The following ZNF331 variants were observed in gnomAD, a reference collection of about 807,000 sequenced individuals.
ZNF331 encodes the protein zinc finger protein 331.
Under a neutral mutation model 7.0 loss-of-function variants are expected in ZNF331, and 2 were observed. The observed-to-expected ratio is 0.29, with a 90% CI of 0.12 to 0.90. The LOEUF (loss-of-function observed/expected upper bound fraction) is 0.90, where lower values mean the gene tolerates loss of function less well. ZNF331 is among the 40% of genes least tolerant of loss of function. The pLI is 0.58. For missense variants in ZNF331, 432 were observed against 587.7 expected (o/e 0.74, Z 2.74); for synonymous variants, 196 against 205.4 (o/e 0.95, Z 0.39).
intron 4 of ZNF331, among the ~76,000 whole-genome samples, chr19:53,570,803 A>G (rs2090405216): frequency 6.6e-6 from 1 of 151,054 alleles, no homozygotes; most frequent in Non-Finnish European, 1.5e-5. Context: ...AAGTGCTGGG[A>G]TTACAGGCAT....
intron 2 of ZNF331, among the ~76,000 whole-genome samples, chr19:53,542,680 G>A (rs1305254247): frequency 6.6e-6 from 1 of 152,078 alleles, no homozygotes; most frequent in Non-Finnish European, 1.5e-5. Context: ...ACATTTCCTC[G>A]TTATATTTCT....
At chr19:53,535,064 G>C (rs920685892), upstream of ZNF331, among the ~76,000 whole-genome samples, 4 of 120,926 alleles carry the variant, frequency 3.3e-5, no homozygotes, top group Non-Finnish European at 7.9e-5. Flanking sequence ...AGCACACAAA[G>C]AGGAAACTAA....
At chr19:53,507,256 T>C in the ZNF331 span, among the ~76,000 whole-genome samples, 1 of 152,220 alleles carries the variant, frequency 6.6e-6, no homozygotes, top group East Asian at 1.9e-4. Flanking sequence ...GACACAATAA[T>C]AGTCACGCTG....
At chr19:53,519,773 G>C (rs2086997787), upstream of ZNF331, among the ~76,000 whole-genome samples, 1 of 152,124 alleles carries the variant, frequency 6.6e-6, no homozygotes, top group Non-Finnish European at 1.5e-5. Context: ...GTCAGGACCA[G>C]GTCACTCCCG....
At position 53,558,563 on chromosome 19, in the gene ZNF331, C is replaced by G. The variant is rs1240045754; in HGVS notation, c.-74+2655C>G. 6.6e-6 allele frequency among the ~76,000 whole-genome samples: 1 copy of G among 152,128 alleles called. No homozygotes were observed. The highest frequency in any genetic ancestry group is 2.4e-5 in the African/African-American group (1 of 41,458). ...TGATTGAGTGGGGAAACTCAAGGCC[C>G]GTCTGTTCAGATTCTTCTTGGCCTC... On this transcript the variant is annotated intron_variant, in intron 3 of 5. Coordinates refer to ENST00000449416, the MANE Select transcript of ZNF331 (RefSeq NM_001079906.2). The surrounding 1 kb of genome is among the most constrained non-coding windows in gnomAD (Gnocchi z 4.5).
intron 5 of ZNF331, among the ~76,000 whole-genome samples, chr19:53,575,490 A>AC (rs1458108678): frequency 8.2e-6 from 1 of 122,558 alleles, no homozygotes; most frequent in African/African-American, 3.1e-5. Context: ...GTATTCTTTT[A>AC]CCCAGTTGCT....
intron 4 of ZNF331, among the ~76,000 whole-genome samples, chr19:53,570,042 G>A (rs985039602): frequency 1.3e-5 from 2 of 152,082 alleles, no homozygotes; most frequent in African/African-American, 2.4e-5. Context: ...GATCACTTGT[G>A]GTCAGGAGTT....
chr19:53,510,246 C>A, the ZNF331 span, among the ~76,000 whole-genome samples: 1 of 152,138 alleles, frequency 6.6e-6, no homozygotes, highest in Non-Finnish European at 1.5e-5. Context: ...TTTCTTTCTT[C>A]TGAGTTTCTT....
rs1456542391 is a variant in ZNF331, at chr19:53,567,852, A to C, written c.-73-1452A>C. ...TGAGACCCTGTCTTAAAAAAAAAAA[A>C]CAAAAAACTATTCACTAAAAGGACC... On this transcript the variant is annotated intron_variant, in intron 3 of 5. Coordinates refer to ENST00000449416, the MANE Select transcript of ZNF331 (RefSeq NM_001079906.2). 4.2e-5 allele frequency among the ~76,000 whole-genome samples: 6 copies of C among 143,478 alleles called. No individual in the cohort carries two copies. In the East Asian group the frequency reaches 6.2e-4, roughly 15 times the overall value. The allele number at this position is 143,478 out of a possible 152,430, so 94.1% of individuals were successfully genotyped here. A position where few individuals can be genotyped will look rare whatever the true frequency, so the allele number is the denominator to read the frequency against.
At chr19:53,548,417 C>T (rs1043367028) in intron 2 of ZNF331, among the ~76,000 whole-genome samples, 2 of 151,886 alleles carry the variant, frequency 1.3e-5, no homozygotes, top group African/African-American at 4.8e-5. Context: ...GGCCAATGCC[C>T]GACTAATTTT....
chr19:53,559,622 A>G (rs921123270), intron 3 of ZNF331, among the ~76,000 whole-genome samples: 5 of 131,348 alleles, frequency 3.8e-5, no homozygotes, highest in Non-Finnish European at 6.9e-5. Context: ...ATATATACAC[A>G]CATATACACA....
At chr19:53,503,840 A>C in the ZNF331 span, 1 of 692,924 alleles carries the variant, frequency 1.4e-6, no homozygotes, top group Non-Finnish European at 2.6e-6. Flanking sequence ...CGTGACCGGC[A>C]AGTGGAGCAA....
Position 53,577,927 on chromosome 19 carries a change from A to T in ZNF331, c.1367A>T (p.Glu456Val), listed in dbSNP as rs1363288655. 3 of 1,613,248 alleles carry T rather than the reference A, an allele frequency of 1.9e-6. No individual in the cohort carries two copies. Among genetic ancestry groups the T allele is most frequent in the Admixed American group, 1.7e-5 (1 of 60,006 alleles). ...KACNHLNHLR[E>V]HQRIHNS Reference sequence around the variant, plus strand: ...TGTAACCACCTAAACCATCTCCGAGAACATCAGAGGATCCACAACAGTTGA... The same window carrying T: ...TGTAACCACCTAAACCATCTCCGAGTACATCAGAGGATCCACAACAGTTGA... Residue 456 changes from glutamate (E) to valine (V), a missense_variant, in exon 6 of 6, where the codon GAA becomes GTA. Coordinates refer to ENST00000449416, the MANE Select transcript of ZNF331 (RefSeq NM_001079906.2).
the ZNF331 span, among the ~76,000 whole-genome samples, chr19:53,506,406 TCTCTC>T: frequency 2.7e-5 from 3 of 111,650 alleles, no homozygotes; most frequent in South Asian, 2.9e-4. Flanking sequence ...ACACACTCTC[TCTCTC>T]CTCTCTCTCT....
chr19:53,511,515 A>C, the ZNF331 span, among the ~76,000 whole-genome samples: 1 of 152,110 alleles, frequency 6.6e-6, no homozygotes, highest in Admixed American at 6.5e-5. Flanking sequence ...AAACTAAATA[A>C]ATATAATCAA....
At chr19:53,541,923 G>A (rs1356092513) in intron 2 of ZNF331, among the ~76,000 whole-genome samples, 11 of 151,940 alleles carry the variant, frequency 7.2e-5, no homozygotes, top group Admixed American at 7.2e-4. Flanking sequence ...TGCTGTGGGA[G>A]GATCACTTGG....
Position 53,577,996 on chromosome 19 carries a change from C to T in ZNF331, c.*44C>T, listed in dbSNP as rs2090800632. 7.7e-6 allele frequency: 12 copies of T among 1,549,866 alleles called. No homozygotes were observed. The highest frequency in any genetic ancestry group is 9.6e-6 in the Non-Finnish European group (11 of 1,147,298). ...TAGCCCGCTCGTATCTATGGTTTCG[C>T]TTTCCACAGTTTGTTACCTGCAGTC... On this transcript the variant is annotated 3_prime_UTR_variant, in exon 6 of 6. Coordinates refer to ENST00000449416, the MANE Select transcript of ZNF331 (RefSeq NM_001079906.2).
chr19:53,576,787 G>A lies in ZNF331; in HGVS notation c.227G>A (p.Ser76Asn). The A allele has an allele frequency of 1.2e-6, 2 of 1,614,134 alleles. No homozygotes were observed. Among genetic ancestry groups the A allele is most frequent in the Non-Finnish European group, 1.7e-6 (2 of 1,179,992 alleles). The change falls in exon 6 of 6, where the codon AGT (serine) becomes AAT (asparagine). Residue 76 changes from serine (S) to asparagine (N), a missense_variant. Transcript: ENST00000449416. The part of the protein sequence containing the change: ...RASKRNSDRR[S>N]KSLGRNWICE... The stretch of plus-strand genomic sequence containing the variant: ...TCCAAAAGGAATTCAGATAGAAGAA[G>A]TAAATCCCTTGGCCGTAACTGGATA...
rs1600533026 is a variant in ZNF331 at position 53,579,493 on chromosome 19, T to C, written c.*1541T>C. On this transcript the variant is annotated 3_prime_UTR_variant, in exon 6 of 6. Transcript: ENST00000449416. ...AGACTGCTATCATGGAAATTAAATG[T>C]TTGGTACATGTAAAGTCTTTGAAAG... 1 of 209,160 alleles carries C rather than the reference T, an allele frequency of 4.8e-6. No individual in the cohort carries two copies. The highest frequency in any genetic ancestry group is 9.8e-6 in the Non-Finnish European group (1 of 102,458). The allele number at this position is 209,160 out of a possible 1,614,324, so 13.0% of individuals were successfully genotyped here. A position where few individuals can be genotyped will look rare whatever the true frequency, so the allele number is the denominator to read the frequency against.
Sources: allele counts gnomAD v4.1 joint callset (sites outside exome capture counted in the v4.1 genomes callset), GRCh38; gene constraint gnomAD v4.1.1; non-coding constraint Gnocchi (gnomAD v3.1); transcripts MANE v1.5; gene names NCBI Gene and HGNC (gene_info 2026-07-23, HGNC 2026-07-21).